FNIP2: variants seen among roughly 807,000 people sequenced by gnomAD.
The protein encoded by FNIP2 is folliculin-interacting protein 2.
A neutral mutation model predicts 108.7 loss-of-function variants in FNIP2; 32 were observed. The observed-to-expected ratio is 0.29, with a 90% CI of 0.22 to 0.40. The LOEUF (loss-of-function observed/expected upper bound fraction) is 0.40. Among genes scored for constraint, FNIP2 ranks in the 10% least tolerant of loss-of-function variants. FNIP2 has a pLI of 1.00. For synonymous variants in FNIP2, 480 were observed against 496.7 expected (o/e 0.97, Z 0.45); for missense variants, 1,202 against 1,381.6 (o/e 0.87, Z 2.06).
chr4:158,865,592 T>G (rs1041096007), intron 12 of FNIP2, among the ~76,000 whole-genome samples: 1 of 152,254 alleles, frequency 6.6e-6, no homozygotes, highest in Non-Finnish European at 1.5e-5. Context: ...TAAGTGGTCT[T>G]TCCCCTGTAG....
Position 158,851,468 on chromosome 4 carries a change from T to G in FNIP2, c.857+18T>G, listed in dbSNP as rs763816313. 2 of 1,613,776 alleles carry G rather than the reference T, an allele frequency of 1.2e-6. No individual in the cohort carries two copies. The highest frequency in any genetic ancestry group is 2.2e-5 in the South Asian group (2 of 91,054). On this transcript the variant is annotated intron_variant, in intron 8 of 16. Transcript: ENST00000264433. ...CCAAGAAGGTGAGTTGCAAGTTTCCTCTTGCTGAGAAAAGTAGGAGTGTAG... is the reference window on the plus strand; with the variant it reads ...CCAAGAAGGTGAGTTGCAAGTTTCCGCTTGCTGAGAAAAGTAGGAGTGTAG...
At chr4:158,784,048 G>A (rs1776137018) in intron 1 of FNIP2, among the ~76,000 whole-genome samples, 2 of 152,208 alleles carry the variant, frequency 1.3e-5, no homozygotes, top group South Asian at 4.1e-4. Flanking sequence ...CCCGAATAAT[G>A]TGGGTAGCAT....
At position 158,790,845 on chromosome 4, in the gene FNIP2, CT is replaced by C. The variant is rs886183838; in HGVS notation, c.107+21536del. 5.0e-3 allele frequency among the ~76,000 whole-genome samples: 739 copies of C among 148,758 alleles called. 5 individuals carry two copies. The highest frequency in any genetic ancestry group is 0.016 in the African/African-American group (662 of 40,622). On this transcript the variant is annotated intron_variant, in intron 1 of 16. Coordinates refer to ENST00000264433, the MANE Select transcript of FNIP2 (RefSeq NM_020840.3). ...TAGTAGTATATACCTTTAATTTTCA[CT>C]TTTTTTTTTCACTTAGCACTTTCTT...
intron 3 of FNIP2, among the ~76,000 whole-genome samples, chr4:158,830,303 C>T (rs1461009103): frequency 5.0e-5 from 7 of 138,926 alleles, no homozygotes; most frequent in South Asian, 2.2e-4. Flanking sequence ...TCGCCCAGGC[C>T]GGACTGCGGA....
At chr4:158,816,267 G>A (rs897897385) in intron 1 of FNIP2, among the ~76,000 whole-genome samples, 9 of 152,054 alleles carry the variant, frequency 5.9e-5, no homozygotes, top group Non-Finnish European at 1.2e-4. Flanking sequence ...GGTTTAATTA[G>A]ATCTAGAAGT....
chr4:158,803,224 A>G (rs1404990173), intron 1 of FNIP2, among the ~76,000 whole-genome samples: 1 of 152,242 alleles, frequency 6.6e-6, no homozygotes, highest in East Asian at 1.9e-4. Flanking sequence ...GATGAACTGT[A>G]GAAAGGAAAT....
chr4:158,882,196 C>T (rs1283902511), intron 14 of FNIP2, among the ~76,000 whole-genome samples: 2 of 151,404 alleles, frequency 1.3e-5, no homozygotes, highest in Non-Finnish European at 2.9e-5. Context: ...CAGCAGCCGC[C>T]CCGTCTGAGA....
intron 1 of FNIP2, chr4:158,806,090 A>G: frequency 9.4e-7 from 1 of 1,061,166 alleles, no homozygotes; most frequent in Non-Finnish European, 1.1e-6. Flanking sequence ...ACTGCTGTCA[A>G]GTAGCTTTTC....
At chr4:158,836,201 C>A (rs1778788578) in intron 7 of FNIP2, 1 of 152,226 alleles carries the variant, frequency 6.6e-6, no homozygotes, top group Admixed American at 6.5e-5. Context: ...ACAAATGGGC[C>A]AGCCAGGCGT....
intron 3 of FNIP2, among the ~76,000 whole-genome samples, chr4:158,830,854 C>T (rs141700848): frequency 4.0e-4 from 61 of 152,252 alleles, no homozygotes; most frequent in African/African-American, 1.3e-3. Context: ...GCACTTAGCA[C>T]GGGTGCTCAG....
chr4:158,848,334 A>G (rs1216758872), intron 7 of FNIP2, among the ~76,000 whole-genome samples: 1 of 152,244 alleles, frequency 6.6e-6, no homozygotes, highest in Non-Finnish European at 1.5e-5. Flanking sequence ...AAGGAAGAGA[A>G]CAAGAGTCTT....
At chr4:158,867,702 C>T (rs1780660288) in intron 12 of FNIP2, among the ~76,000 whole-genome samples, 1 of 152,220 alleles carries the variant, frequency 6.6e-6, no homozygotes, top group African/African-American at 2.4e-5. Context: ...GGCCCAATGT[C>T]CTGGGATTCT....
chr4:158,819,964 C>T (rs983345181), intron 1 of FNIP2, among the ~76,000 whole-genome samples: 11 of 152,138 alleles, frequency 7.2e-5, no homozygotes, highest in African/African-American at 1.9e-4. Flanking sequence ...AATGTAACTG[C>T]GTTTCATAGG....
At chr4:158,888,153 G>T (rs1231636540) in intron 14 of FNIP2, among the ~76,000 whole-genome samples, 1 of 152,166 alleles carries the variant, frequency 6.6e-6, no homozygotes, top group Non-Finnish European at 1.5e-5. Flanking sequence ...CCTTTAAAAG[G>T]TGTTTATTCT....
intron 1 of FNIP2, among the ~76,000 whole-genome samples, chr4:158,779,767 CG>C (rs1560749721): frequency 7.0e-6 from 1 of 142,642 alleles, no homozygotes. Flanking sequence ...GAGACGGGAG[CG>C]GGGGTGGTCT....
At chr4:158,781,110 A>G (rs985759656) in intron 1 of FNIP2, among the ~76,000 whole-genome samples, 6 of 152,114 alleles carry the variant, frequency 3.9e-5, no homozygotes, top group Non-Finnish European at 7.4e-5. Context: ...TAATTGTGCA[A>G]TTATATATGA....
chr4:158,774,541 C>T (rs1179610281), intron 1 of FNIP2, among the ~76,000 whole-genome samples: 3 of 152,174 alleles, frequency 2.0e-5, no homozygotes, highest in South Asian at 2.1e-4. Context: ...ACTGTTAGCT[C>T]CTATTATTAA....
intron 3 of FNIP2, among the ~76,000 whole-genome samples, chr4:158,830,331 C>T (rs888170358): frequency 4.1e-5 from 6 of 144,592 alleles, no homozygotes; most frequent in Non-Finnish European, 7.5e-5. Context: ...GGCGCAATCT[C>T]GGCTCACTGC....
chr4:158,829,898 A>G lies in FNIP2; in HGVS notation c.381+673A>G, dbSNP rs1355974047. 7.2e-5 allele frequency among the ~76,000 whole-genome samples: 11 copies of G among 152,328 alleles called. No homozygotes were observed. The East Asian group carries it at 1.9e-3, about 27-fold the overall frequency. ...AATCTTTTCTACTATTTTGCTGGAA[A>G]AACAATACTAGGGAAGTTACCAGCA... On this transcript the variant is annotated intron_variant, in intron 3 of 16. Transcript: ENST00000264433.
Sources: gnomAD v4.1 joint callset for allele counts (sites outside exome capture counted in the v4.1 genomes callset) on GRCh38, gnomAD v4.1.1 for gene constraint, MANE v1.5 for transcripts, NCBI Gene and HGNC (gene_info 2026-07-23, HGNC 2026-07-21) for gene names.